The following EDA variants were observed in gnomAD, a reference collection of about 807,000 sequenced individuals.
The protein encoded by EDA is ectodysplasin-A.
EDA carries 2 observed loss-of-function variants against 23.6 expected under a neutral mutation model. The ratio of observed to expected loss-of-function variants is 0.08; its 90% CI spans 0.03 to 0.27. EDA has a LOEUF of 0.27. EDA is among the 10% of genes least tolerant of loss of function. EDA has a pLI of 1.00. For missense variants in EDA, 229 were observed against 324.2 expected (o/e 0.71, Z 2.26); for synonymous variants, 131 against 132.0 (o/e 0.99, Z 0.05).
chrX:69,833,571 G>A (rs1162137777), intron 1 of EDA, among the ~76,000 whole-genome samples: 6 of 110,819 alleles, frequency 5.4e-5, no homozygotes, highest in Admixed American at 9.6e-5. Context: ...ATGATTTAGG[G>A]AGGATTCCCT....
At chrX:69,725,521 G>C (rs1438226920) in intron 1 of EDA, among the ~76,000 whole-genome samples, 1 of 112,179 alleles carries the variant, frequency 8.9e-6, no homozygotes, top group East Asian at 2.8e-4. Flanking sequence ...CACACCTTTA[G>C]TTTTACATAC....
At chrX:69,964,371 A>G (rs2019145668) in intron 2 of EDA, among the ~76,000 whole-genome samples, 2 of 111,564 alleles carry the variant, frequency 1.8e-5, no homozygotes, top group African/African-American at 6.5e-5. Flanking sequence ...ATACTGAGGA[A>G]GGTACTATTA....
chrX:69,936,041 T>C (rs2018669593), intron 1 of EDA, among the ~76,000 whole-genome samples: 2 of 107,300 alleles, frequency 1.9e-5, no homozygotes, highest in South Asian at 7.9e-4. Flanking sequence ...TATACATTTA[T>C]ATATGGATTT....
chrX:69,938,787 T>A (rs1274244165), intron 1 of EDA, among the ~76,000 whole-genome samples: 1 of 112,283 alleles, frequency 8.9e-6, no homozygotes, highest in Non-Finnish European at 1.9e-5. Context: ...CAGTGAGAGA[T>A]AGGAGTCTAG....
intron 1 of EDA, among the ~76,000 whole-genome samples, chrX:69,711,909 A>T (rs5980662): frequency 4.5e-5 from 5 of 110,087 alleles, no homozygotes; most frequent in Non-Finnish European, 9.5e-5. Context: ...TCTTGCTAGC[A>T]GTCTATCAAT....
chrX:69,733,915 T>A (rs1181917206), intron 1 of EDA, among the ~76,000 whole-genome samples: 1 of 88,677 alleles, frequency 1.1e-5, no homozygotes, highest in African/African-American at 3.6e-5. Context: ...TTGTAATATT[T>A]TTGCTTTTTT....
intron 2 of EDA, among the ~76,000 whole-genome samples, chrX:69,992,846 C>T (rs907609206): frequency 4.5e-5 from 5 of 111,220 alleles, no homozygotes; most frequent in Non-Finnish European, 9.4e-5. Flanking sequence ...TCCTATGAGT[C>T]TGCTTTTGTG....
intron 1 of EDA, among the ~76,000 whole-genome samples, chrX:69,690,908 TATAC>T (rs1934694417): frequency 8.9e-6 from 1 of 112,152 alleles, no homozygotes; most frequent in African/African-American, 3.2e-5. Context: ...ATATAATTTG[TATAC>T]ATACAGTTGT....
intron 1 of EDA, among the ~76,000 whole-genome samples, chrX:69,791,731 C>T (rs1240681993): frequency 9.0e-6 from 1 of 110,737 alleles, no homozygotes; most frequent in Non-Finnish European, 1.9e-5. Flanking sequence ...GCAACCTCCG[C>T]CTCCTGGGTT....
intron 1 of EDA, chrX:69,617,060 C>T: frequency 2.6e-6 from 1 of 377,926 alleles, no homozygotes; most frequent in Non-Finnish European, 4.7e-6. Flanking sequence ...GTTCTCTGCC[C>T]GCGGTGCTTG....
In EDA at chrX:69,616,255, T is replaced by TA; in HGVS notation, c.-54_-53insA. The stretch of plus-strand genomic sequence containing the variant: ...CCGCCTGTCAGAGGTCGTGAACGGC[T>TA]GAGGCAGACGCAGCGGCTCCCGGGC... On this transcript the variant is annotated 5_prime_UTR_variant, in exon 1 of 8. An upstream open reading frame in the 5' UTR loses its in-frame stop. Transcript: ENST00000374552. The TA allele has an allele frequency of 8.7e-7, 1 of 1,150,022 alleles. No homozygotes were observed. Among genetic ancestry groups the TA allele is most frequent in the East Asian group, 3.2e-5 (1 of 30,840 alleles). 94.8% of individuals were successfully genotyped at this position (1,150,022 alleles called of 1,213,427 possible).
At chrX:69,622,365 C>A (rs1245403166) in intron 1 of EDA, among the ~76,000 whole-genome samples, 1 of 112,346 alleles carries the variant, frequency 8.9e-6, no homozygotes, top group Non-Finnish European at 1.9e-5. Flanking sequence ...CACATTCTTA[C>A]TAACACTTGG....
intron 1 of EDA, among the ~76,000 whole-genome samples, chrX:69,788,967 G>A (rs778206111): frequency 1.5e-4 from 17 of 112,151 alleles, no homozygotes; most frequent in Admixed American, 6.6e-4. Context: ...AGGACCCTCC[G>A]AGCCAGGTGC....
chrX:69,790,667 T>A (rs1311341537), intron 1 of EDA, among the ~76,000 whole-genome samples: 1 of 111,839 alleles, frequency 8.9e-6, no homozygotes, highest in African/African-American at 3.2e-5. Flanking sequence ...TTTTACAGAA[T>A]AGTATGTTTC....
chrX:69,679,867 T>C (rs771667073), intron 1 of EDA, among the ~76,000 whole-genome samples: 1,706 of 107,872 alleles, frequency 0.016, 42 homozygotes, highest in African/African-American at 0.055. Flanking sequence ...TGCTAGCTTT[T>C]GAATGTGTTT....
chrX:69,904,635 C>G (rs1449454116), intron 1 of EDA, among the ~76,000 whole-genome samples: 3 of 112,384 alleles, frequency 2.7e-5, no homozygotes, highest in African/African-American at 9.7e-5. Flanking sequence ...CAGGCATGAG[C>G]CATCGTGCCT....
intron 1 of EDA, among the ~76,000 whole-genome samples, chrX:69,684,603 A>T (rs1267241358): frequency 8.9e-6 from 1 of 111,890 alleles, no homozygotes; most frequent in Non-Finnish European, 1.9e-5. Flanking sequence ...TACAATCAAG[A>T]TTTTCCTTCA....
chrX:69,900,647 C>T (rs980603040), intron 1 of EDA, among the ~76,000 whole-genome samples: 18 of 110,142 alleles, frequency 1.6e-4, no homozygotes, highest in Middle Eastern at 9.4e-3. Context: ...TTGTATATGA[C>T]ATATGTAATT....
chrX:69,643,445 G>A (rs1189560974), intron 1 of EDA, among the ~76,000 whole-genome samples: 3 of 110,520 alleles, frequency 2.7e-5, no homozygotes, highest in Non-Finnish European at 5.7e-5. Context: ...AGTAAGAGTT[G>A]TTTGTTTGTT....
Sources: allele counts gnomAD v4.1 joint callset (sites outside exome capture counted in the v4.1 genomes callset), GRCh38; gene constraint gnomAD v4.1.1; transcripts MANE v1.5; gene names NCBI Gene and HGNC (gene_info 2026-07-23, HGNC 2026-07-21).